DNHD1: variants seen among roughly 807,000 people sequenced by gnomAD.
The protein encoded by DNHD1 is dynein heavy chain domain-containing protein 1.
A neutral mutation model predicts 458.1 loss-of-function variants in DNHD1; 383 were observed. The observed-to-expected ratio is 0.84, with a 90% confidence interval of 0.77 to 0.91. DNHD1 has a LOEUF of 0.91. Among genes scored for constraint, DNHD1 ranks in the 40% least tolerant of loss-of-function variants. The probability of loss-of-function intolerance (pLI) is 0.00; values close to 1 mark genes in which losing one functional copy is unlikely to be tolerated. For missense variants in DNHD1, 5,336 were observed against 5,866.1 expected (o/e 0.91, Z 2.95); for synonymous variants, 2,203 against 2,376.9 (o/e 0.93, Z 2.13).
At position 6,533,157 on chromosome 11, in the gene DNHD1, T is replaced by G; in HGVS notation, c.2478T>G (p.Ile826Met). Residue 826 changes from isoleucine to methionine, a missense_variant, in exon 13 of 43, where the codon ATT becomes ATG. Around this residue, in one of 4 missense-constraint regions of DNHD1, gnomAD observed 3,932 missense variants for 4,365.6 expected, o/e 0.90. Transcript: ENST00000254579. ...TCTTCCGAACCATCAACTCAGATATTCATGCCATTGCACAGTGCACCCAGA... is the reference window on the plus strand; with the variant it reads ...TCTTCCGAACCATCAACTCAGATATGCATGCCATTGCACAGTGCACCCAGA... ...MHIFRTINSDIHAIAQCTQKL... is the reference protein window; with the variant it reads ...MHIFRTINSDMHAIAQCTQKL... The G allele has an allele frequency of 6.4e-7, 1 of 1,551,626 alleles. No homozygotes were observed. Among genetic ancestry groups the G allele is most frequent in the Non-Finnish European group, 8.7e-7 (1 of 1,146,986 alleles).
chr11:6,506,762 T>C (rs1226886496), intron 4 of DNHD1, among the ~76,000 whole-genome samples: 2 of 152,190 alleles, frequency 1.3e-5, no homozygotes. Flanking sequence ...GCCTGTTCTT[T>C]TTCCCCCTTC....
In DNHD1 at chr11:6,538,739, G is replaced by A; in HGVS notation, c.3254G>A (p.Ser1085Asn). ...ATGCGCATCCTGGGGGAGTTTCGCAGCTACCTGCCCCTGCTCACTAAGCTG... is the reference window on the plus strand; with the variant it reads ...ATGCGCATCCTGGGGGAGTTTCGCAACTACCTGCCCCTGCTCACTAAGCTG... ...HCMRILGEFR[S>N]YLPLLTKLGS... The change falls in exon 16 of 43, where the codon AGC (serine) becomes AAC (asparagine). Residue 1085 changes from serine to asparagine, a missense_variant. Ser to Asn is a conservative substitution (Grantham distance 46). Transcript: ENST00000254579. 6.5e-7 allele frequency: 1 copy of A among 1,549,164 alleles called. No homozygotes were observed.
rs1196371253 is a variant in DNHD1, at chr11:6,557,378, G to T, written c.8083G>T (p.Glu2695Ter). ...GPQHLGKDHQ[E>*]SEEEEEEERV... ...CCAGCACCTGGGCAAGGACCATCAG[G>T]AGAGTGAGGAGGAGGAGGAGGAGGA... Residue 2695 changes from glutamate to a stop codon, truncating the protein, a stop_gained, in exon 25 of 43, where the codon GAG (glutamate) becomes TAG (stop). Coordinates refer to ENST00000254579, the MANE Select transcript of DNHD1 (RefSeq NM_144666.3). LOFTEE classifies it high-confidence loss of function. 1 of 1,551,404 alleles carries T rather than the reference G, an allele frequency of 6.4e-7. No homozygotes were observed. The highest frequency in any genetic ancestry group is 2.4e-5 in the East Asian group (1 of 40,914).
At chr11:6,544,516 C>G in intron 19 of DNHD1, 58 bp from the exon 20 acceptor site, 1 of 1,408,526 alleles carries the variant, frequency 7.1e-7, no homozygotes. Flanking sequence ...GGTGGACTCC[C>G]CTGCAGAAGG....
At position 6,533,127 on chromosome 11, in the gene DNHD1, G is replaced by T. The variant is rs1467417811; in HGVS notation, c.2448G>T (p.Met816Ile). 10 of 1,551,572 alleles carry T rather than the reference G, an allele frequency of 6.4e-6. No homozygotes were observed. The highest frequency in any genetic ancestry group is 8.7e-6 in the Non-Finnish European group (10 of 1,146,996). ...QQLMTELTDF[M>I]HIFRTINSDI... ...TCATGACAGAGCTCACAGATTTCAT[G>T]CATATCTTCCGAACCATCAACTCAG... Residue 816 changes from methionine (M) to isoleucine (I), a missense_variant, in exon 13 of 43, where the codon ATG (methionine) becomes ATT (isoleucine). This residue lies in a region of DNHD1 where 3,932 missense variants were observed against 4,365.6 expected (regional missense o/e 0.90). Coordinates refer to ENST00000254579, the MANE Select transcript of DNHD1 (RefSeq NM_144666.3).
chr11:6,536,282 G>A (rs924708846), intron 14 of DNHD1, among the ~76,000 whole-genome samples: 1 of 151,918 alleles, frequency 6.6e-6, no homozygotes, highest in African/African-American at 2.4e-5. Flanking sequence ...CTATAATTGA[G>A]GCAAAAAATG....
At chr11:6,512,784 AG>A (rs1852372461) in intron 7 of DNHD1, among the ~76,000 whole-genome samples, 1 of 152,078 alleles carries the variant, frequency 6.6e-6, no homozygotes, top group East Asian at 1.9e-4. Flanking sequence ...AACCTCCACA[AG>A]GGTAGAGATC....
chr11:6,521,323 G>A (rs1025623308), intron 10 of DNHD1, among the ~76,000 whole-genome samples: 13 of 152,190 alleles, frequency 8.5e-5, no homozygotes, highest in African/African-American at 3.1e-4. Context: ...CTCATTATAT[G>A]TGGTACTAAT....
At position 6,570,617 on chromosome 11, in the gene DNHD1, G is replaced by C. The variant is rs1340581511; in HGVS notation, c.13106-1G>C. 1 of 1,600,758 alleles carries C rather than the reference G, an allele frequency of 6.2e-7. No individual in the cohort carries two copies. Among genetic ancestry groups the C allele is most frequent in the Non-Finnish European group, 8.5e-7 (1 of 1,172,830 alleles). On this transcript the variant is annotated splice_acceptor_variant, in intron 41 of 42. Coordinates refer to ENST00000254579, the MANE Select transcript of DNHD1 (RefSeq NM_144666.3). LOFTEE classifies it high-confidence loss of function. The stretch of plus-strand genomic sequence containing the variant: ...CCTCACCCCTCACCTCTATCCCCAA[G>C]AGCTAAGGGAGCTGGATGCAATGGC...
In DNHD1 at chr11:6,564,780, G is replaced by C; in HGVS notation, c.10732G>C (p.Ala3578Pro). 3 of 1,533,886 alleles carry C rather than the reference G, an allele frequency of 2.0e-6. No individual in the cohort carries two copies. The highest frequency in any genetic ancestry group is 2.6e-6 in the Non-Finnish European group (3 of 1,134,098). The change falls in exon 32 of 43, where the codon GCG becomes CCG. Residue 3578 changes from alanine to proline, a missense_variant. Around this residue, in one of 4 missense-constraint regions of DNHD1, gnomAD observed 695 missense variants for 804.2 expected, o/e 0.86. Coordinates refer to ENST00000254579, the MANE Select transcript of DNHD1 (RefSeq NM_144666.3). ...GCCTCTGGAAGAGAATCGATCTTTT[G>C]CGCCAGCCCTCACTGAGGGTAGAGG... is the stretch of plus-strand genomic sequence containing the variant. ...PLPLEENRSF[A>P]PALTEGRGKG...
intron 4 of DNHD1, among the ~76,000 whole-genome samples, chr11:6,506,734 CA>C (rs1554962874): frequency 6.6e-6 from 1 of 152,176 alleles, no homozygotes; most frequent in Non-Finnish European, 1.5e-5. Flanking sequence ...TCTCCCCTGG[CA>C]CCGCCAATCT....
rs1853856317 is a variant in DNHD1 at position 6,571,710 on chromosome 11, G to C, written c.13986G>C (p.Glu4662Asp). The C allele has an allele frequency of 6.2e-7, 1 of 1,612,350 alleles. No individual in the cohort carries two copies. Among genetic ancestry groups the C allele is most frequent in the Non-Finnish European group, 8.5e-7 (1 of 1,179,256 alleles). Reference sequence around the variant, plus strand: ...TCGGGCTACAGGTCCTACATGCGGAGTGGGACCCAATAGCTGGAGCCTTGC... The same window carrying C: ...TCGGGCTACAGGTCCTACATGCGGACTGGGACCCAATAGCTGGAGCCTTGC... ...LLIGLQVLHA[E>D]WDPIAGALQD... Residue 4662 changes from glutamate (E) to aspartate (D), a missense_variant, in exon 43 of 43, where the codon GAG becomes GAC. Transcript: ENST00000254579. The surrounding 1 kb of genome is among the most constrained non-coding windows in gnomAD (Gnocchi z 5.0).
At chr11:6,543,604 C>G (rs1853144826) in intron 18 of DNHD1, among the ~76,000 whole-genome samples, 1 of 152,178 alleles carries the variant, frequency 6.6e-6, no homozygotes, top group African/African-American at 2.4e-5. Context: ...AGCTTCTTCT[C>G]TCACCATTTT....
Position 6,567,556 on chromosome 11 carries a change from A to G in DNHD1, c.12047A>G (p.Tyr4016Cys). ...GGCCACTCCAGTGCTTGGCAGGCTT[A>G]CCTGTCACTGTCATCCACAGTGCTG... ...LAGHSSAWQAYLSLSSTVLGP... is the reference protein window; with the variant it reads ...LAGHSSAWQACLSLSSTVLGP... Residue 4016 changes from tyrosine to cysteine, a missense_variant, in exon 36 of 43, where the codon TAC becomes TGC. Transcript: ENST00000254579. 1 of 1,612,876 alleles carries G rather than the reference A, an allele frequency of 6.2e-7. No individual in the cohort carries two copies. Among genetic ancestry groups the G allele is most frequent in the South Asian group, 1.1e-5 (1 of 90,856 alleles).
chr11:6,559,122 C>G lies in DNHD1; in HGVS notation c.9416+16C>G. On this transcript the variant is annotated intron_variant, in intron 27 of 42. Coordinates refer to ENST00000254579, the MANE Select transcript of DNHD1 (RefSeq NM_144666.3). ...AGGCCCAGCGGTGAGTGTCCCGTCC[C>G]CTGCAGTGTACCTCCTTCTGCTCCT... 2 of 1,551,688 alleles carry G rather than the reference C, an allele frequency of 1.3e-6. No homozygotes were observed. The highest frequency in any genetic ancestry group is 1.7e-6 in the Non-Finnish European group (2 of 1,146,970).
At chr11:6,511,157 A>G (rs1852328606) in intron 6 of DNHD1, 116 bp from the exon 7 acceptor site, 1 of 1,387,038 alleles carries the variant, frequency 7.2e-7, no homozygotes, top group Admixed American at 2.2e-5. Context: ...TGTTGGTAAT[A>G]TTACAATCTC....
chr11:6,524,309 A>T (rs542551653), intron 10 of DNHD1, among the ~76,000 whole-genome samples: 2 of 152,296 alleles, frequency 1.3e-5, no homozygotes, highest in South Asian at 4.1e-4. Context: ...TTGAAAGTAG[A>T]ATATCAGGAA....
intron 7 of DNHD1, among the ~76,000 whole-genome samples, chr11:6,515,441 T>C (rs1238859415): frequency 6.6e-6 from 1 of 152,090 alleles, no homozygotes; most frequent in East Asian, 1.9e-4. Context: ...CTGTTTAGTC[T>C]CTCTTATATG....
intron 39 of DNHD1, among the ~76,000 whole-genome samples, chr11:6,569,609 C>T (rs557611596): frequency 1.3e-5 from 2 of 152,144 alleles, no homozygotes; most frequent in South Asian, 2.1e-4. Context: ...CTGGATGCAA[C>T]ATGGAGAATG....
Sources: allele counts gnomAD v4.1 joint callset (sites outside exome capture counted in the v4.1 genomes callset), GRCh38; gene constraint gnomAD v4.1.1; regional missense constraint gnomAD v4.1.1; non-coding constraint Gnocchi (gnomAD v3.1); transcripts MANE v1.5; gene names NCBI Gene and HGNC (gene_info 2026-07-23, HGNC 2026-07-21).